CNGB3: variants seen among roughly 807,000 people sequenced by gnomAD.
CNGB3 encodes the protein cyclic nucleotide-gated channel beta-3.
A neutral mutation model predicts 92.8 loss-of-function variants in CNGB3; 86 were observed. That is an observed-to-expected ratio of 0.93 (90% CI 0.78 to 1.11). CNGB3 has a LOEUF of 1.11. Ranked by LOEUF, CNGB3 falls within the 50% of genes least tolerant of loss-of-function variation. The pLI is 0.00. For missense variants in CNGB3, 1,026 were observed against 956.8 expected (o/e 1.07, Z -0.95); for synonymous variants, 333 against 332.7 (o/e 1.00, Z -0.01).
chr8:86,690,174 C>T (rs896581684), intron 3 of CNGB3, among the ~76,000 whole-genome samples: 2 of 152,198 alleles, frequency 1.3e-5, no homozygotes, highest in Non-Finnish European at 2.9e-5. Context: ...TTTACAGTCC[C>T]ACCAACAGTG....
intron 10 of CNGB3, among the ~76,000 whole-genome samples, chr8:86,634,912 A>G (rs1823033328): frequency 6.6e-6 from 1 of 151,988 alleles, no homozygotes; most frequent in South Asian, 2.1e-4. Flanking sequence ...AAACAGATCT[A>G]GAAAGAAATT....
chr8:86,742,895 G>T (rs10107915), intron 1 of CNGB3, among the ~76,000 whole-genome samples: 6 of 151,894 alleles, frequency 4.0e-5, no homozygotes, highest in African/African-American at 1.5e-4. Context: ...CTTGTTTAAA[G>T]TTCCTCCACC....
intron 12 of CNGB3, among the ~76,000 whole-genome samples, chr8:86,627,575 C>T (rs1466457014): frequency 6.6e-6 from 1 of 152,166 alleles, no homozygotes; most frequent in African/African-American, 2.4e-5. Flanking sequence ...TTCTTAGTGG[C>T]ACTAATTCCT....
At chr8:86,683,826 A>G (rs1279534983) in intron 3 of CNGB3, among the ~76,000 whole-genome samples, 1 of 152,170 alleles carries the variant, frequency 6.6e-6, no homozygotes, top group African/African-American at 2.4e-5. Context: ...TACACCTTAT[A>G]CAAAAAATTA....
intron 15 of CNGB3, among the ~76,000 whole-genome samples, chr8:86,598,931 T>C (rs983407908): frequency 1.3e-5 from 2 of 152,114 alleles, no homozygotes; most frequent in Admixed American, 6.5e-5. Context: ...TGTGGACTTA[T>C]CTTTGTGGGA....
intron 3 of CNGB3, among the ~76,000 whole-genome samples, chr8:86,676,274 G>A (rs966889359): frequency 1.3e-5 from 2 of 152,164 alleles, no homozygotes; most frequent in Non-Finnish European, 2.9e-5. Flanking sequence ...GATCTGCGGT[G>A]AGTTTACAGC....
chr8:86,586,677 T>A (rs1348490187), intron 15 of CNGB3, among the ~76,000 whole-genome samples: 6 of 151,460 alleles, frequency 4.0e-5, no homozygotes, highest in Non-Finnish European at 8.8e-5. Context: ...CATCATTTTT[T>A]ATGGCTGCAT....
intron 2 of CNGB3, among the ~76,000 whole-genome samples, chr8:86,737,905 C>A (rs1825273795): frequency 6.6e-6 from 1 of 152,142 alleles, no homozygotes; most frequent in Admixed American, 6.5e-5. Context: ...TCCTTGACAG[C>A]AATTTGTGTA....
At chr8:86,673,690 A>G (rs1047715649) in intron 3 of CNGB3, among the ~76,000 whole-genome samples, 2 of 152,222 alleles carry the variant, frequency 1.3e-5, no homozygotes, top group African/African-American at 4.8e-5. Flanking sequence ...GAAATCAAGA[A>G]TGACTAAGTT....
At chr8:86,718,568 C>T (rs1000526220) in intron 3 of CNGB3, among the ~76,000 whole-genome samples, 1 of 152,078 alleles carries the variant, frequency 6.6e-6, no homozygotes, top group Admixed American at 6.5e-5. Context: ...GATGGATTTA[C>T]AGCTGAACCC....
intron 6 of CNGB3, among the ~76,000 whole-genome samples, chr8:86,665,312 G>C (rs1823720453): frequency 6.6e-6 from 1 of 152,222 alleles, no homozygotes; most frequent in Non-Finnish European, 1.5e-5. Context: ...CTTATAAACT[G>C]TTGGTAGGAG....
chr8:86,700,822 T>A (rs922435818), intron 3 of CNGB3, among the ~76,000 whole-genome samples: 2 of 152,082 alleles, frequency 1.3e-5, no homozygotes, highest in African/African-American at 4.8e-5. Context: ...TTTTTGTATT[T>A]AGAGACAGAG....
chr8:86,655,519 A>G (rs1411446989), intron 6 of CNGB3, among the ~76,000 whole-genome samples: 1 of 152,132 alleles, frequency 6.6e-6, no homozygotes, highest in Non-Finnish European at 1.5e-5. Flanking sequence ...TGGAGGAAAA[A>G]GGTGCAGGTA....
chr8:86,629,416 T>C (rs1585979508), intron 11 of CNGB3, among the ~76,000 whole-genome samples: 2 of 152,200 alleles, frequency 1.3e-5, no homozygotes, highest in Non-Finnish European at 2.9e-5. Context: ...ATAGTCTTCT[T>C]TGGAAACTTG....
chr8:86,598,070 A>G (rs117980886), intron 15 of CNGB3, among the ~76,000 whole-genome samples: 9,168 of 152,322 alleles, frequency 0.06, 359 homozygotes, highest in Middle Eastern at 0.11. Context: ...GTAGAGAGGT[A>G]GGCAGGGGCT....
At chr8:86,670,380 C>T (rs189198474) in intron 4 of CNGB3, among the ~76,000 whole-genome samples, 3 of 152,206 alleles carry the variant, frequency 2.0e-5, no homozygotes, top group African/African-American at 4.8e-5. Context: ...TGGAGGTCAC[C>T]TGTAGGAGGC....
chr8:86,654,787 G>A (rs1263456212), intron 6 of CNGB3, among the ~76,000 whole-genome samples: 1 of 152,056 alleles, frequency 6.6e-6, no homozygotes, highest in East Asian at 1.9e-4. Flanking sequence ...TTGGATTCTT[G>A]GGCTAGTCAT....
At chr8:86,581,182 A>G (rs1821756877) in intron 15 of CNGB3, among the ~76,000 whole-genome samples, 1 of 152,244 alleles carries the variant, frequency 6.6e-6, no homozygotes, top group African/African-American at 2.4e-5. Context: ...CTGAAGTCAC[A>G]GGGCAAACTA....
At chr8:86,678,251 G>C (rs769880314) in intron 3 of CNGB3, among the ~76,000 whole-genome samples, 10 of 152,128 alleles carry the variant, frequency 6.6e-5, no homozygotes, top group Non-Finnish European at 8.8e-5. Context: ...ATACATTTCT[G>C]AGTGAAAATA....
Sources: allele counts gnomAD v4.1 joint callset (sites outside exome capture counted in the v4.1 genomes callset), GRCh38; gene constraint gnomAD v4.1.1; transcripts MANE v1.5; gene names NCBI Gene and HGNC (gene_info 2026-07-23, HGNC 2026-07-21).